Variants in ADAMTS12 observed in about 807,000 individuals in gnomAD.
ADAMTS12 encodes the protein ADAM metallopeptidase with thrombospondin type 1 motif 12, also known as A disintegrin and metalloproteinase with thrombospondin motifs 12.
Under a neutral mutation model 167.8 loss-of-function variants are expected in ADAMTS12, and 118 were observed. The ratio of observed to expected loss-of-function variants is 0.70; its 90% CI spans 0.61 to 0.82. The LOEUF (loss-of-function observed/expected upper bound fraction) is 0.82. Among genes scored for constraint, ADAMTS12 ranks in the 40% least tolerant of loss-of-function variants. The probability of loss-of-function intolerance (pLI) is 0.00; values close to 1 mark genes in which losing one functional copy is unlikely to be tolerated. For missense variants in ADAMTS12, 1,916 were observed against 1,998.8 expected, an observed-to-expected ratio of 0.96 and a Z score of 0.79; for synonymous variants, 704 against 716.9, an observed-to-expected ratio of 0.98 and a Z score of 0.29.
rs201319351 is a variant in ADAMTS12, at chr5:33,615,822, C to T, written c.2388+6G>A. On this transcript the variant is annotated splice_donor_region_variant and intron_variant, in intron 15 of 23. Transcript: ENST00000504830. Reference sequence around the variant, plus strand: ...ATGTCAGCAGTTTCCCTCCTTTCTGCATTACCTGGATCCACACAGACTCAT... The same window carrying T: ...ATGTCAGCAGTTTCCCTCCTTTCTGTATTACCTGGATCCACACAGACTCAT... The T allele has an allele frequency of 2.5e-6, 4 of 1,613,888 alleles. No individual in the cohort carries two copies. In the East Asian group the frequency reaches 8.9e-5, roughly 36 times the overall value.
chr5:33,574,856 T>A (rs558965356), intron 19 of ADAMTS12, among the ~76,000 whole-genome samples: 1 of 151,510 alleles, frequency 6.6e-6, no homozygotes, highest in Admixed American at 6.6e-5. Flanking sequence ...ATAGTTTACT[T>A]CACTTTAACT....
chr5:33,826,570 GTA>G (rs1251294770), intron 2 of ADAMTS12, among the ~76,000 whole-genome samples: 4 of 74,486 alleles, frequency 5.4e-5, no homozygotes, highest in East Asian at 6.9e-4. Flanking sequence ...TTATGTATGT[GTA>G]TGTGTGTGTG....
intron 5 of ADAMTS12, among the ~76,000 whole-genome samples, chr5:33,680,513 T>TC (rs1742073253): frequency 0.04 from 2 of 50 alleles, no homozygotes; most frequent in African/African-American, 0.1. Flanking sequence ...TTTCTTCTTC[T>TC]TTTTTTTTGG....
At chr5:33,590,416 G>C (rs1311334876) in intron 17 of ADAMTS12, among the ~76,000 whole-genome samples, 6 of 152,130 alleles carry the variant, frequency 3.9e-5, no homozygotes, top group African/African-American at 1.2e-4. Context: ...TGTTTAGATC[G>C]TGAGGGCTTT....
chr5:33,835,770 T>C (rs967410756), intron 2 of ADAMTS12, among the ~76,000 whole-genome samples: 8 of 152,178 alleles, frequency 5.3e-5, no homozygotes, highest in African/African-American at 1.9e-4. Flanking sequence ...GTAGCAATTA[T>C]TGTCCCCATT....
intron 17 of ADAMTS12, among the ~76,000 whole-genome samples, chr5:33,595,660 A>C (rs1270371997): frequency 6.6e-6 from 1 of 152,218 alleles, no homozygotes; most frequent in Non-Finnish European, 1.5e-5. Flanking sequence ...TGATCCACTT[A>C]GCACTCTCTT....
intron 5 of ADAMTS12, among the ~76,000 whole-genome samples, chr5:33,669,488 T>C (rs887147787): frequency 2.0e-5 from 3 of 152,196 alleles, no homozygotes; most frequent in Non-Finnish European, 4.4e-5. Flanking sequence ...TGTGTGTGTT[T>C]ATTGTGTGAA....
chr5:33,839,274 G>A (rs745990661), intron 2 of ADAMTS12, among the ~76,000 whole-genome samples: 1 of 152,154 alleles, frequency 6.6e-6, no homozygotes, highest in Non-Finnish European at 1.5e-5. Context: ...AGTAAGCTTT[G>A]GCAATATAAG....
chr5:33,630,785 A>C lies in ADAMTS12; in HGVS notation c.2017T>G (p.Cys673Gly). The C allele has an allele frequency of 6.2e-7, 1 of 1,612,778 alleles. No homozygotes were observed. Reference protein sequence around the residue: ...NSRNVCINGICKMVGCDYEID... With the variant: ...NSRNVCINGIGKMVGCDYEID... ...TAAGGAAACATACCCAATACCTTAC[A>C]TATGCCATTAATACAGACATTTCTG... The change falls in exon 13 of 24, where the codon TGT becomes GGT. Residue 673 changes from cysteine (C) to glycine (G), a missense_variant. Coordinates refer to ENST00000504830, the MANE Select transcript of ADAMTS12 (RefSeq NM_030955.4).
chr5:33,888,273 T>G (rs1460872150), intron 1 of ADAMTS12: 1 of 152,242 alleles, frequency 6.6e-6, no homozygotes, highest in Non-Finnish European at 1.5e-5. Flanking sequence ...TTTATTTTCA[T>G]AATTATCTTC....
At chr5:33,554,916 A>T (rs574391467) in intron 20 of ADAMTS12, among the ~76,000 whole-genome samples, 1 of 152,366 alleles carries the variant, frequency 6.6e-6, no homozygotes, top group African/African-American at 2.4e-5. Flanking sequence ...TGATAAAGTT[A>T]CCGCTAAAAT....
At chr5:33,765,621 G>A (rs1264015109) in intron 2 of ADAMTS12, among the ~76,000 whole-genome samples, 1 of 152,250 alleles carries the variant, frequency 6.6e-6, no homozygotes, top group Non-Finnish European at 1.5e-5. Flanking sequence ...GCAAATGACA[G>A]CCTGTCTGAC....
chr5:33,529,273 C>T (rs899990690), intron 23 of ADAMTS12, among the ~76,000 whole-genome samples: 1 of 152,304 alleles, frequency 6.6e-6, no homozygotes, highest in Admixed American at 6.5e-5. Flanking sequence ...CCTTGCTTTT[C>T]CCATACATGA....
intron 5 of ADAMTS12, among the ~76,000 whole-genome samples, chr5:33,665,211 C>A (rs1046662574): frequency 5.3e-5 from 8 of 152,018 alleles, no homozygotes; most frequent in African/African-American, 1.7e-4. Flanking sequence ...AAAAGTAAAA[C>A]TGAGAAGCAG....
At chr5:33,768,917 A>T (rs900717257) in intron 2 of ADAMTS12, among the ~76,000 whole-genome samples, 11 of 152,116 alleles carry the variant, frequency 7.2e-5, no homozygotes, top group African/African-American at 2.7e-4. Context: ...TACATGGTAA[A>T]GGGGAATTAA....
At chr5:33,782,005 T>C (rs1746147394) in intron 2 of ADAMTS12, among the ~76,000 whole-genome samples, 1 of 152,148 alleles carries the variant, frequency 6.6e-6, no homozygotes, top group South Asian at 2.1e-4. Flanking sequence ...AGCTGAATTA[T>C]GGCTTCCTGT....
intron 2 of ADAMTS12, among the ~76,000 whole-genome samples, chr5:33,853,089 C>T (rs892201455): frequency 9.2e-5 from 14 of 152,182 alleles, no homozygotes; most frequent in African/African-American, 2.9e-4. Context: ...CTCCCGGAAC[C>T]GAGCAGGGAG....
chr5:33,688,206 T>G (rs570069799), intron 3 of ADAMTS12, among the ~76,000 whole-genome samples: 1 of 152,280 alleles, frequency 6.6e-6, no homozygotes, highest in African/African-American at 2.4e-5. Flanking sequence ...AAAGAAGAAT[T>G]GCCAGGTTTG....
chr5:33,573,399 G>T (rs1278723765), intron 19 of ADAMTS12, among the ~76,000 whole-genome samples: 1 of 152,174 alleles, frequency 6.6e-6, no homozygotes, highest in Non-Finnish European at 1.5e-5. Context: ...TACCAAAACA[G>T]AGACATAGAT....
Sources: allele counts gnomAD v4.1 joint callset (sites outside exome capture counted in the v4.1 genomes callset), GRCh38; gene constraint gnomAD v4.1.1; transcripts MANE v1.5; gene names NCBI Gene and HGNC (gene_info 2026-07-23, HGNC 2026-07-21).